ASIC2: variants seen among roughly 807,000 people sequenced by gnomAD.
The protein encoded by ASIC2 is acid-sensing ion channel 2.
In ASIC2, 25 loss-of-function variants were observed where a neutral mutation model predicts 57.3. The ratio of observed to expected loss-of-function variants is 0.44; its 90% CI spans 0.32 to 0.61. ASIC2 has a LOEUF of 0.61. Among genes scored for constraint, ASIC2 ranks in the 20% least tolerant of loss-of-function variants. The pLI is 0.06. For synonymous variants in ASIC2, 319 were observed against 307.5 expected (o/e 1.04, Z -0.39); for missense variants, 641 against 738.1 (o/e 0.87, Z 1.52).
At chr17:33,036,346 C>T (rs1179995417) in intron 3 of ASIC2, among the ~76,000 whole-genome samples, 4 of 152,040 alleles carry the variant, frequency 2.6e-5, no homozygotes, top group Non-Finnish European at 5.9e-5. Context: ...TGCTAGTGAC[C>T]CAGTGCCACA....
chr17:33,619,948 G>A (rs1020667671), intron 1 of ASIC2, among the ~76,000 whole-genome samples: 1 of 152,100 alleles, frequency 6.6e-6, no homozygotes, highest in Non-Finnish European at 1.5e-5. Flanking sequence ...AATGCAGACA[G>A]CATTTGGAAA....
chr17:33,996,390 T>C (rs1906161961), intron 1 of ASIC2, among the ~76,000 whole-genome samples: 2 of 152,196 alleles, frequency 1.3e-5, no homozygotes, highest in Non-Finnish European at 2.9e-5. Context: ...TTTTGTTACC[T>C]TTGCTTTTGG....
chr17:33,494,016 G>A (rs756106089), intron 1 of ASIC2, among the ~76,000 whole-genome samples: 28 of 152,184 alleles, frequency 1.8e-4, no homozygotes, highest in Non-Finnish European at 3.8e-4. Context: ...ATTTTCCCTT[G>A]TAGTTTGGAA....
intron 1 of ASIC2, among the ~76,000 whole-genome samples, chr17:33,143,203 A>G (rs1384753145): frequency 6.6e-6 from 1 of 152,198 alleles, no homozygotes; most frequent in Non-Finnish European, 1.5e-5. Flanking sequence ...TGCTAGCTTC[A>G]GGTGAAATGT....
intron 1 of ASIC2, among the ~76,000 whole-genome samples, chr17:34,129,291 C>A (rs1166862407): frequency 2.0e-5 from 3 of 152,152 alleles, no homozygotes; most frequent in Non-Finnish European, 2.9e-5. Flanking sequence ...ATGGTGGAAC[C>A]AGCATCCAAG....
chr17:33,122,847 T>G (rs1054606274), intron 1 of ASIC2, among the ~76,000 whole-genome samples: 1 of 152,152 alleles, frequency 6.6e-6, no homozygotes, highest in Non-Finnish European at 1.5e-5. Context: ...TGCCCCAGCC[T>G]CTGGTAACCA....
At chr17:33,825,613 G>A (rs1912881563) in intron 1 of ASIC2, among the ~76,000 whole-genome samples, 2 of 152,166 alleles carry the variant, frequency 1.3e-5, no homozygotes, top group South Asian at 4.1e-4. Context: ...TGCTATGTCT[G>A]GCAGTTCACC....
Position 33,409,976 on chromosome 17 carries a change from T to G in ASIC2, c.556-297909A>C, listed in dbSNP as rs893089949. 4.8e-4 allele frequency among the ~76,000 whole-genome samples: 73 copies of G among 152,224 alleles called. 1 individual carries two copies. The highest frequency in any genetic ancestry group is 9.8e-4 in the Admixed American group (15 of 15,288). ...CAAACCAGCTCAGGGCAGCTCATTC[T>G]GGACCCCTCAGCAGGACCGTGTCTG... On this transcript the variant is annotated intron_variant, in intron 1 of 9. Transcript: ENST00000359872.
intron 1 of ASIC2, among the ~76,000 whole-genome samples, chr17:34,046,567 G>A (rs928029539): frequency 6.6e-6 from 1 of 152,176 alleles, no homozygotes; most frequent in East Asian, 1.9e-4. Context: ...CATGGAGGAG[G>A]TAAGATTTTT....
chr17:33,984,673 C>G (rs1297964359), intron 1 of ASIC2, among the ~76,000 whole-genome samples: 1 of 152,150 alleles, frequency 6.6e-6, no homozygotes, highest in East Asian at 1.9e-4. Context: ...TGAGTCAGAT[C>G]TTGTCACTTG....
chr17:33,231,595 A>G (rs985546559), intron 1 of ASIC2, among the ~76,000 whole-genome samples: 54 of 152,030 alleles, frequency 3.6e-4, no homozygotes, highest in African/African-American at 1.3e-3. Flanking sequence ...CTCACTGCTG[A>G]TCCCCACCTC....
At chr17:33,459,077 T>C (rs4462650) in intron 1 of ASIC2, among the ~76,000 whole-genome samples, 82,913 of 151,180 alleles carry the variant, frequency 0.55, 22,912 homozygotes, top group Middle Eastern at 0.66. Flanking sequence ...ATTACCTTCG[T>C]TTTTTTGTTT....
chr17:33,063,139 T>C (rs2092027918), intron 3 of ASIC2, among the ~76,000 whole-genome samples: 2 of 152,248 alleles, frequency 1.3e-5, no homozygotes. Flanking sequence ...TGTCTTTTAA[T>C]TGGAGCATTT....
chr17:33,434,567 A>C (rs566983302), intron 1 of ASIC2, among the ~76,000 whole-genome samples: 1 of 152,372 alleles, frequency 6.6e-6, no homozygotes, highest in South Asian at 2.1e-4. Context: ...TAAGATACTT[A>C]AAGAAAGAAA....
At chr17:33,237,910 G>C (rs1019556528) in intron 1 of ASIC2, among the ~76,000 whole-genome samples, 2 of 152,088 alleles carry the variant, frequency 1.3e-5, no homozygotes, top group African/African-American at 4.8e-5. Flanking sequence ...CCACCAACGA[G>C]AACTTTTCCT....
At chr17:33,821,505 G>T (rs1328278073) in intron 1 of ASIC2, among the ~76,000 whole-genome samples, 1 of 152,080 alleles carries the variant, frequency 6.6e-6, no homozygotes, top group Admixed American at 6.5e-5. Context: ...CCCTGTTGAG[G>T]CCCTAGCACA....
At chr17:33,416,722 A>C (rs1877368139) in intron 1 of ASIC2, among the ~76,000 whole-genome samples, 1 of 152,118 alleles carries the variant, frequency 6.6e-6, no homozygotes, top group Non-Finnish European at 1.5e-5. Flanking sequence ...TCAAATTCTG[A>C]CTCTAGGGGA....
At position 33,826,260 on chromosome 17, in the gene ASIC2, T is replaced by C. The variant is rs558469104; in HGVS notation, c.555+329718A>G. 2.6e-5 allele frequency among the ~76,000 whole-genome samples: 4 copies of C among 152,356 alleles called. No homozygotes were observed. The South Asian group carries it at 8.3e-4, about 32-fold the overall frequency. On this transcript the variant is annotated intron_variant, in intron 1 of 9. Coordinates refer to the ASIC2 transcript ENST00000359872. ...TGAAATTCAGTGGTCCCATAGAGCT[T>C]ACGTAAGCATAGTTCCTCTTAGAAC...
At chr17:33,122,485 T>C (rs775955977) in intron 1 of ASIC2, among the ~76,000 whole-genome samples, 2 of 152,224 alleles carry the variant, frequency 1.3e-5, no homozygotes, top group African/African-American at 2.4e-5. Flanking sequence ...TCTGGGCTCA[T>C]GGTTCCTGTT....
Sources: allele counts gnomAD v4.1 joint callset (sites outside exome capture counted in the v4.1 genomes callset), GRCh38; gene constraint gnomAD v4.1.1; transcripts MANE v1.5; gene names NCBI Gene and HGNC (gene_info 2026-07-23, HGNC 2026-07-21).